RBFOX1: variants seen among roughly 807,000 people sequenced by gnomAD.
RBFOX1 encodes RNA binding protein fox-1 homolog 1.
A neutral mutation model predicts 57.7 loss-of-function variants in RBFOX1; 8 were observed. The observed-to-expected ratio is 0.14, with a 90% CI of 0.08 to 0.25. The LOEUF (loss-of-function observed/expected upper bound fraction) is 0.25. Among genes scored for constraint, RBFOX1 ranks in the 10% least tolerant of loss-of-function variants. The pLI is 1.00. For synonymous variants in RBFOX1, 326 were observed against 222.4 expected (o/e 1.47, Z -4.15); for missense variants, 611 against 548.5 (o/e 1.11, Z -1.14).
chr16:6,006,308 C>T (rs140091028), intron 4 of RBFOX1, among the ~76,000 whole-genome samples: 1 of 151,990 alleles, frequency 6.6e-6, no homozygotes, highest in Non-Finnish European at 1.5e-5. Context: ...TGGTTCAGCC[C>T]CGGGTATGTG....
At chr16:6,940,156 C>T (rs369278295) in intron 3 of RBFOX1, among the ~76,000 whole-genome samples, 10 of 152,146 alleles carry the variant, frequency 6.6e-5, no homozygotes, top group African/African-American at 1.9e-4. Flanking sequence ...CACGCTGCTC[C>T]ACTCCAGTCT....
At chr16:6,826,251 C>T (rs1051281333) in intron 3 of RBFOX1, among the ~76,000 whole-genome samples, 44 of 152,192 alleles carry the variant, frequency 2.9e-4, no homozygotes, top group African/African-American at 9.4e-4. Flanking sequence ...GTGCCTTGTA[C>T]CTGTAATCCC....
intron 1 of RBFOX1, among the ~76,000 whole-genome samples, chr16:5,345,433 G>A (rs1202796940): frequency 6.6e-6 from 1 of 152,152 alleles, no homozygotes; most frequent in East Asian, 1.9e-4. Context: ...ATGCAGACAT[G>A]TGGCCAGGGA....
At chr16:5,427,270 TAAG>T (rs2067590178) in intron 1 of RBFOX1, among the ~76,000 whole-genome samples, 1 of 152,160 alleles carries the variant, frequency 6.6e-6, no homozygotes, top group African/African-American at 2.4e-5. Flanking sequence ...CTCATGCAGT[TAAG>T]GAGAATAGCA....
chr16:7,519,206 ACTC>A (rs1421746468), intron 5 of RBFOX1, among the ~76,000 whole-genome samples: 1 of 152,036 alleles, frequency 6.6e-6, no homozygotes, highest in Non-Finnish European at 1.5e-5. Context: ...CTTTGCAGCC[ACTC>A]CTCATTCATA....
intron 3 of RBFOX1, among the ~76,000 whole-genome samples, chr16:7,042,169 C>G (rs887852196): frequency 1.3e-5 from 2 of 152,206 alleles, no homozygotes; most frequent in African/African-American, 2.4e-5. Context: ...CTAGACAACA[C>G]TAGCTAGTCG....
intron 4 of RBFOX1, among the ~76,000 whole-genome samples, chr16:7,186,994 CAAAAAAAA>C (rs35177784): frequency 1.2e-4 from 8 of 69,262 alleles, no homozygotes; most frequent in African/African-American, 3.2e-4. Flanking sequence ...CCCACCTCCA[CAAAAAAAA>C]AAAAAAAAAA....
intron 4 of RBFOX1, among the ~76,000 whole-genome samples, chr16:7,116,981 G>T (rs554959434): frequency 3.9e-5 from 6 of 152,076 alleles, no homozygotes; most frequent in Non-Finnish European, 8.8e-5. Context: ...CATAGAGAAG[G>T]GTTTGTTTCC....
chr16:7,297,563 T>TATCTAGA (rs2095923189), intron 4 of RBFOX1, among the ~76,000 whole-genome samples: 1 of 152,184 alleles, frequency 6.6e-6, no homozygotes, highest in South Asian at 2.1e-4. Flanking sequence ...GGATGTTAAT[T>TATCTAGA]ATCTAGAATA....
intron 3 of RBFOX1, among the ~76,000 whole-genome samples, chr16:6,716,825 G>A (rs150483177): frequency 2.0e-5 from 3 of 152,096 alleles, no homozygotes; most frequent in Admixed American, 6.5e-5. Context: ...GCTGATGGCC[G>A]TGTTGACATT....
chr16:5,820,649 G>T (rs1220572855), intron 3 of RBFOX1, among the ~76,000 whole-genome samples: 1 of 152,168 alleles, frequency 6.6e-6, no homozygotes, highest in African/African-American at 2.4e-5. Context: ...CCATGAATCA[G>T]CTCTGAAATC....
chr16:6,600,914 C>A (rs1050602883), intron 2 of RBFOX1, among the ~76,000 whole-genome samples: 1 of 152,106 alleles, frequency 6.6e-6, no homozygotes, highest in Non-Finnish European at 1.5e-5. Context: ...TATGACTAAA[C>A]AAAGTCCCTC....
chr16:6,701,644 G>A (rs987427640), intron 3 of RBFOX1, among the ~76,000 whole-genome samples: 2 of 152,050 alleles, frequency 1.3e-5, no homozygotes, highest in African/African-American at 2.4e-5. Flanking sequence ...AAAGGCGTAC[G>A]TACACCTGTG....
intron 10 of RBFOX1, among the ~76,000 whole-genome samples, chr16:7,608,296 GAGAA>G (rs2056750471): frequency 6.6e-6 from 1 of 152,156 alleles, no homozygotes; most frequent in Non-Finnish European, 1.5e-5. Flanking sequence ...CCTTGTAGAT[GAGAA>G]AGGAACACAG....
chr16:7,687,646 C>G (rs904166070), intron 14 of RBFOX1, among the ~76,000 whole-genome samples: 1 of 152,018 alleles, frequency 6.6e-6, no homozygotes, highest in Non-Finnish European at 1.5e-5. Flanking sequence ...ATTATTGTGA[C>G]TTTCCACCTT....
intron 3 of RBFOX1, among the ~76,000 whole-genome samples, chr16:5,635,543 G>A (rs1193556646): frequency 6.6e-6 from 1 of 152,204 alleles, no homozygotes; most frequent in East Asian, 1.9e-4. Flanking sequence ...AGAGAAATAT[G>A]TATCCCATAC....
At chr16:5,487,982 A>G (rs1209148538) in intron 2 of RBFOX1, among the ~76,000 whole-genome samples, 1 of 152,046 alleles carries the variant, frequency 6.6e-6, no homozygotes, top group African/African-American at 2.4e-5. Context: ...GAAGACGATG[A>G]TGTAATCATG....
chr16:5,961,866 G>A (rs1461868901), intron 4 of RBFOX1, among the ~76,000 whole-genome samples: 1 of 152,134 alleles, frequency 6.6e-6, no homozygotes, highest in African/African-American at 2.4e-5. Context: ...GGTATAACTG[G>A]ATTCAGTTGC....
chr16:5,800,042 T>G (rs912769492), intron 3 of RBFOX1, among the ~76,000 whole-genome samples: 1 of 151,928 alleles, frequency 6.6e-6, no homozygotes, highest in Non-Finnish European at 1.5e-5. Flanking sequence ...TTCCCTATTT[T>G]TTATATATAT....
Sources: allele counts gnomAD v4.1 joint callset (sites outside exome capture counted in the v4.1 genomes callset), GRCh38; gene constraint gnomAD v4.1.1; transcripts MANE v1.5; gene names NCBI Gene and HGNC (gene_info 2026-07-23, HGNC 2026-07-21).